Variants in MOV10L1 observed in about 807,000 individuals in gnomAD.
The protein encoded by MOV10L1 is Mov10 like RNA helicase 1.
A neutral mutation model predicts 143.8 loss-of-function variants in MOV10L1; 110 were observed. The observed-to-expected ratio is 0.76, with a 90% CI of 0.66 to 0.90. The LOEUF (loss-of-function observed/expected upper bound fraction) is 0.90. MOV10L1 is among the 40% of genes least tolerant of loss of function. The pLI is 0.00. For missense variants in MOV10L1, 1,406 were observed against 1,526.8 expected (o/e 0.92, Z 1.32); for synonymous variants, 593 against 581.1 (o/e 1.02, Z -0.29).
chr22:50,090,071 C>A lies in MOV10L1; in HGVS notation c.-18C>A. ...CGGCGGCAGCGGCGGTGACGGCAGC[C>A]TAGGCCGGGCGAGGGCCATGCTGAG... On this transcript the variant is annotated 5_prime_UTR_variant, in exon 1 of 27. Transcript: ENST00000262794. 1.6e-6 allele frequency: 2 copies of A among 1,233,546 alleles called. No homozygotes were observed. Among genetic ancestry groups the A allele is most frequent in the Non-Finnish European group, 2.0e-6 (2 of 988,396 alleles). The allele number at this position is 1,233,546 out of a possible 1,614,324, so 76.4% of individuals were successfully genotyped here.
In MOV10L1 at chr22:50,131,054, G is replaced by A. The variant is rs563254015; in HGVS notation, c.1910+2547G>A. 1.5e-3 allele frequency among the ~76,000 whole-genome samples: 214 copies of A among 142,394 alleles called. 1 individual carries two copies. The highest frequency in any genetic ancestry group is 5.2e-3 in the African/African-American group (194 of 37,544). The allele number at this position is 142,394 out of a possible 152,430, so 93.4% of individuals were successfully genotyped here. Reference sequence around the variant, plus strand: ...TGGGACTACAGGTGCCCACCACCACGCCCGGCTAATTTTTTTTTTTTTTTT... The same window carrying A: ...TGGGACTACAGGTGCCCACCACCACACCCGGCTAATTTTTTTTTTTTTTTT... On this transcript the variant is annotated intron_variant, in intron 13 of 26. Transcript: ENST00000262794.
intron 24 of MOV10L1, among the ~76,000 whole-genome samples, chr22:50,160,228 C>T (rs1271325841): frequency 1.3e-5 from 2 of 151,390 alleles, no homozygotes; most frequent in Non-Finnish European, 2.9e-5. Flanking sequence ...CCCCCTCCCC[C>T]CACCTCCTGT....
intron 19 of MOV10L1, among the ~76,000 whole-genome samples, chr22:50,148,659 TTTTC>T (rs2063215906): frequency 2.1e-5 from 3 of 144,882 alleles, no homozygotes; most frequent in African/African-American, 7.5e-5. Flanking sequence ...CATTTTCTTT[TTTTC>T]TTTTTTTTTT....
Position 50,099,639 on chromosome 22 carries a change from G to T in MOV10L1, c.442+37G>T, listed in dbSNP as rs774299884. On this transcript the variant is annotated intron_variant, in intron 3 of 26. Coordinates refer to ENST00000262794, the MANE Select transcript of MOV10L1 (RefSeq NM_018995.3). ...GGTCTGTGTTCCACATTGAAAATTA[G>T]GTTTTGTCTTTTAAAGAATTGTTAT... The T allele has an allele frequency of 2.7e-5, 42 of 1,578,452 alleles. No individual in the cohort carries two copies. The South Asian group carries it at 4.5e-4, about 17-fold the overall frequency.
chr22:50,100,009 C>T (rs1388339736), intron 3 of MOV10L1, among the ~76,000 whole-genome samples: 2 of 150,186 alleles, frequency 1.3e-5, no homozygotes, highest in South Asian at 2.1e-4. Context: ...TTTTGTTTTT[C>T]GAGATGGAGT....
At chr22:50,142,023 C>T in intron 15 of MOV10L1, 58 bp from the exon 16 acceptor site, 1 of 1,449,746 alleles carries the variant, frequency 6.9e-7, no homozygotes, top group Non-Finnish European at 9.5e-7. Flanking sequence ...CTCTTTCAAC[C>T]AAGCCAGTGT....
chr22:50,112,469 G>A (rs1186769749), intron 5 of MOV10L1, among the ~76,000 whole-genome samples: 1 of 152,204 alleles, frequency 6.6e-6, no homozygotes, highest in East Asian at 1.9e-4. Context: ...TGGCCTGGGG[G>A]TCTTCAGGAA....
chr22:50,143,157 C>G lies in MOV10L1; in HGVS notation c.2294C>G (p.Pro765Arg). The change falls in exon 17 of 27, where the codon CCG becomes CGG. Residue 765 changes from proline to arginine, a missense_variant. By Grantham distance (103) the Pro-to-Arg change is moderately radical. This residue lies in a region of MOV10L1 where 1,233 missense variants were observed against 1,351.4 expected (regional missense o/e 0.91). Transcript: ENST00000262794. ...RILSGDCRPL[P>R]YILFGPPGTG... ...CTGAGTGGTGACTGCCGTCCCCTCCCGTATATTCTCTTTGGACCTCCTGGT... is the reference window on the plus strand; with the variant it reads ...CTGAGTGGTGACTGCCGTCCCCTCCGGTATATTCTCTTTGGACCTCCTGGT... 1 of 1,614,124 alleles carries G rather than the reference C, an allele frequency of 6.2e-7. No homozygotes were observed. Among genetic ancestry groups the G allele is most frequent in the Non-Finnish European group, 8.5e-7 (1 of 1,180,002 alleles).
intron 19 of MOV10L1, among the ~76,000 whole-genome samples, chr22:50,148,915 C>T (rs2015413): frequency 0.13 from 19,517 of 152,194 alleles, 1,509 homozygotes; most frequent in Admixed American, 0.21. Context: ...CCACCCATCT[C>T]GGCCTCCCAA....
intron 19 of MOV10L1, among the ~76,000 whole-genome samples, chr22:50,148,629 G>A (rs935408512): frequency 6.6e-6 from 1 of 152,046 alleles, no homozygotes; most frequent in Non-Finnish European, 1.5e-5. Context: ...CAGAATTGTG[G>A]GGAGCCATTC....
chr22:50,142,919 C>T (rs962686915), intron 16 of MOV10L1, 124 bp from the exon 17 acceptor site: 1 of 796,078 alleles, frequency 1.3e-6, no homozygotes, highest in African/African-American at 1.7e-5. Flanking sequence ...AAGAGCTACT[C>T]CCTGTCTGTG....
intron 3 of MOV10L1, among the ~76,000 whole-genome samples, chr22:50,100,201 C>T (rs1343907065): frequency 6.6e-6 from 1 of 152,018 alleles, no homozygotes; most frequent in East Asian, 1.9e-4. Flanking sequence ...TCAGGTTGGC[C>T]GGGCTGGTCT....
intron 1 of MOV10L1, 162 bp downstream of exon 1, chr22:50,090,347 G>A: frequency 1.3e-6 from 2 of 1,508,282 alleles, no homozygotes; most frequent in Non-Finnish European, 1.8e-6. Flanking sequence ...CGCCTCAGGA[G>A]GCTTCCGACC....
chr22:50,141,770 A>G (rs970889018), intron 15 of MOV10L1, among the ~76,000 whole-genome samples: 9 of 152,202 alleles, frequency 5.9e-5, no homozygotes, highest in African/African-American at 2.2e-4. Flanking sequence ...CAGCCTGGAA[A>G]GCAGGTAGGA....
intron 2 of MOV10L1, among the ~76,000 whole-genome samples, chr22:50,097,818 C>T (rs369133819): frequency 9.9e-5 from 15 of 152,020 alleles, no homozygotes; most frequent in African/African-American, 2.2e-4. Context: ...ATAGGGATTG[C>T]GTTGCATTTG....
At chr22:50,143,849 A>T in intron 17 of MOV10L1, among the ~76,000 whole-genome samples, 1 of 152,034 alleles carries the variant, frequency 6.6e-6, no homozygotes, top group East Asian at 1.9e-4. Context: ...GATGAATCTG[A>T]CTCTGTTTCT....
In MOV10L1 at chr22:50,152,976, G is replaced by A. The variant is rs1164223486; in HGVS notation, c.2893-69G>A. 18 of 1,485,486 alleles carry A rather than the reference G, an allele frequency of 1.2e-5. 1 individual carries two copies. The highest frequency in any genetic ancestry group is 4.2e-5 in the African/African-American group (3 of 72,020). The allele number at this position is 1,485,486 out of a possible 1,614,324, so 92.0% of individuals were successfully genotyped here. On this transcript the variant is annotated intron_variant, in intron 21 of 26. Transcript: ENST00000262794. This position sits in a 1 kb window ranked among gnomAD's most constrained non-coding sequence, Gnocchi z 4.4. ...GGCCTCACGTTTGCTGTGCAGAGCC[G>A]CTTTTCGTTCGACAGAAACTGTGCC... is the stretch of plus-strand genomic sequence containing the variant.
intron 13 of MOV10L1, among the ~76,000 whole-genome samples, chr22:50,129,592 A>G (rs1246475978): frequency 6.6e-6 from 1 of 151,964 alleles, no homozygotes; most frequent in African/African-American, 2.4e-5. Flanking sequence ...GTATGTAGGG[A>G]TGGGATTGCT....
intron 9 of MOV10L1, among the ~76,000 whole-genome samples, chr22:50,118,789 A>G (rs1380300439): frequency 6.6e-6 from 1 of 152,186 alleles, no homozygotes; most frequent in Non-Finnish European, 1.5e-5. Context: ...GCTCTGCACA[A>G]ACTCCAGTTG....
Sources: allele counts gnomAD v4.1 joint callset (sites outside exome capture counted in the v4.1 genomes callset), GRCh38; gene constraint gnomAD v4.1.1; regional missense constraint gnomAD v4.1.1; non-coding constraint Gnocchi (gnomAD v3.1); transcripts MANE v1.5; gene names NCBI Gene and HGNC (gene_info 2026-07-23, HGNC 2026-07-21).